Variants in LIPC observed in about 807,000 individuals in gnomAD.
LIPC encodes the protein lipase C, hepatic type.
Under a neutral mutation model 50.7 loss-of-function variants are expected in LIPC, and 44 were observed. The observed-to-expected ratio is 0.87, with a 90% CI of 0.68 to 1.11. LIPC has a LOEUF of 1.11. LIPC is among the 50% of genes most tolerant of loss of function. The pLI is 0.00. For synonymous variants in LIPC, 271 were observed against 256.4 expected (o/e 1.06, Z -0.54); for missense variants, 697 against 648.2 (o/e 1.08, Z -0.82).
chr15:58,530,212 G>A (rs141320878), intron 1 of LIPC, among the ~76,000 whole-genome samples: 72 of 152,354 alleles, frequency 4.7e-4, no homozygotes, highest in African/African-American at 1.7e-3. Context: ...GGCCTCCACA[G>A]GGTAGTCCCC....
intron 1 of LIPC, among the ~76,000 whole-genome samples, chr15:58,489,148 G>T (rs1891478797): frequency 7.1e-6 from 1 of 140,690 alleles, no homozygotes; most frequent in African/African-American, 2.6e-5. Context: ...AATAGCACCA[G>T]AAAGTTTCAC....
intron 1 of LIPC, among the ~76,000 whole-genome samples, chr15:58,443,722 C>A (rs1034988734): frequency 6.6e-6 from 1 of 152,202 alleles, no homozygotes; most frequent in African/African-American, 2.4e-5. Context: ...GTGTGAGCAA[C>A]AAGGCTGTTT....
At chr15:58,555,585 A>G (rs1893913733) in intron 6 of LIPC, among the ~76,000 whole-genome samples, 1 of 152,182 alleles carries the variant, frequency 6.6e-6, no homozygotes, top group Admixed American at 6.5e-5. Context: ...TTCCTTATTT[A>G]TATTCACCAG....
At chr15:58,437,402 CTAAA>C (rs1342091263) in intron 1 of LIPC, among the ~76,000 whole-genome samples, 1 of 151,818 alleles carries the variant, frequency 6.6e-6, no homozygotes, top group Non-Finnish European at 1.5e-5. Context: ...AAAAACAGGA[CTAAA>C]TAATCTACAT....
rs36089651 is a variant in LIPC at position 58,546,022 on chromosome 15, G to A, written c.808+47G>A. The A allele has an allele frequency of 3.0e-5, 43 of 1,448,322 alleles. 1 individual carries two copies. In the Middle Eastern group the frequency reaches 5.6e-4, roughly 19 times the overall value. The allele number at this position is 1,448,322 out of a possible 1,614,324, so 89.7% of individuals were successfully genotyped here. A position where few individuals can be genotyped will look rare whatever the true frequency, so the allele number is the denominator to read the frequency against. On this transcript the variant is annotated intron_variant, in intron 5 of 8. Coordinates refer to ENST00000299022, the MANE Select transcript of LIPC (RefSeq NM_000236.3). ...GGGAGCACCGGCCTACATTTCAATG[G>A]GGCCTCTGGAATTCAGCGGAATCTA...
intron 1 of LIPC, among the ~76,000 whole-genome samples, chr15:58,464,455 A>G (rs1894466395): frequency 1.3e-5 from 2 of 152,386 alleles, no homozygotes; most frequent in South Asian, 4.1e-4. Flanking sequence ...ATACTTAACT[A>G]GTACAAATAA....
chr15:58,501,623 G>A (rs1386927680), intron 1 of LIPC, among the ~76,000 whole-genome samples: 1 of 151,866 alleles, frequency 6.6e-6, no homozygotes. Flanking sequence ...CATCTGATTG[G>A]GCCTAATCAC....
chr15:58,550,154 G>C (rs910503285), intron 6 of LIPC, among the ~76,000 whole-genome samples: 33 of 152,186 alleles, frequency 2.2e-4, no homozygotes, highest in African/African-American at 7.7e-4. Context: ...TCCAAAGAGT[G>C]AGCAGAGTGA....
intron 1 of LIPC, among the ~76,000 whole-genome samples, chr15:58,504,710 A>G (rs1307552832): frequency 6.6e-6 from 1 of 152,208 alleles, no homozygotes; most frequent in East Asian, 1.9e-4. Context: ...TTCTACCATT[A>G]TTGTCAGAAA....
Position 58,565,563 on chromosome 15 carries a change from G to A in LIPC, c.1388+1840G>A, listed in dbSNP as rs540125843. 12 of 1,177,088 alleles carry A rather than the reference G, an allele frequency of 1.0e-5. No individual in the cohort carries two copies. In the African/African-American group the frequency reaches 1.4e-4, roughly 14 times the overall value. The allele number at this position is 1,177,088 out of a possible 1,614,324, so 72.9% of individuals were successfully genotyped here. ...GATCCTGAAATGGGTAGTATTGGCT[G>A]TGCAGATTAGGAACCTGAGGCTCAC... On this transcript the variant is annotated intron_variant, in intron 8 of 8. Transcript: ENST00000299022.
At chr15:58,543,642 T>C (rs565983754) in intron 4 of LIPC, among the ~76,000 whole-genome samples, 1 of 152,284 alleles carries the variant, frequency 6.6e-6, no homozygotes, top group South Asian at 2.1e-4. Flanking sequence ...TGAGGACATT[T>C]TTTTTTCTTT....
chr15:58,436,764 G>T (rs1161285194), intron 1 of LIPC: 1 of 456,288 alleles, frequency 2.2e-6, no homozygotes, highest in East Asian at 6.9e-5. Flanking sequence ...AGGGAAGAAG[G>T]CTTCTTGGAG....
At chr15:58,496,065 C>T (rs1277738900) in intron 1 of LIPC, among the ~76,000 whole-genome samples, 3 of 152,148 alleles carry the variant, frequency 2.0e-5, no homozygotes, top group African/African-American at 7.2e-5. Context: ...AGGACAGAAA[C>T]CCAAGCCTTC....
At chr15:58,464,277 C>T (rs778900209) in intron 1 of LIPC, among the ~76,000 whole-genome samples, 4 of 152,104 alleles carry the variant, frequency 2.6e-5, no homozygotes, top group African/African-American at 4.8e-5. Context: ...GTACTCATAA[C>T]GCAGGTGCGA....
intron 1 of LIPC, among the ~76,000 whole-genome samples, chr15:58,517,788 G>C (rs747649948): frequency 2.0e-5 from 3 of 152,220 alleles, no homozygotes; most frequent in Non-Finnish European, 4.4e-5. Flanking sequence ...GCATTTCAAA[G>C]AGATTCCACT....
At chr15:58,444,567 T>C (rs1416395438) in intron 1 of LIPC, among the ~76,000 whole-genome samples, 3 of 152,140 alleles carry the variant, frequency 2.0e-5, no homozygotes, top group Non-Finnish European at 2.9e-5. Context: ...GGGTTTCTTC[T>C]GAGGCCTCTC....
chr15:58,437,998 T>C (rs1262984711), intron 1 of LIPC, among the ~76,000 whole-genome samples: 1 of 152,144 alleles, frequency 6.6e-6, no homozygotes, highest in Non-Finnish European at 1.5e-5. Context: ...GACCCAGGAC[T>C]GGAACCCATA....
rs72740894 is a variant in LIPC at position 58,478,947 on chromosome 15, T to C, written c.88+46827T>C. 8.9e-3 allele frequency among the ~76,000 whole-genome samples: 1,353 copies of C among 152,334 alleles called. 11 individuals carry two copies. Among genetic ancestry groups the C allele is most frequent in the Non-Finnish European group, 0.012 (804 of 68,018 alleles). On this transcript the variant is annotated intron_variant, in intron 1 of 8. Transcript: ENST00000299022. ...ACAAAAACACATTAAGCACCAACCG[T>C]GTGGTCCACATTCTGACGGGCTCTA...
chr15:58,555,357 G>C (rs1893902445), intron 6 of LIPC, among the ~76,000 whole-genome samples: 1 of 152,224 alleles, frequency 6.6e-6, no homozygotes, highest in South Asian at 2.1e-4. Flanking sequence ...AGGGGTCAGA[G>C]CTGGCAGGCA....
Sources: gnomAD v4.1 joint callset for allele counts (sites outside exome capture counted in the v4.1 genomes callset) on GRCh38, gnomAD v4.1.1 for gene constraint, MANE v1.5 for transcripts, NCBI Gene and HGNC (gene_info 2026-07-23, HGNC 2026-07-21) for gene names.